Variants in ZGRF1 observed in about 807,000 individuals in gnomAD.
ZGRF1 encodes 5'-3' DNA helicase ZGRF1.
A neutral mutation model predicts 203.5 loss-of-function variants in ZGRF1; 196 were observed. The ratio of observed to expected loss-of-function variants is 0.96; its 90% CI spans 0.86 to 1.08. The LOEUF (loss-of-function observed/expected upper bound fraction) is 1.08, where lower values mean the gene tolerates loss of function less well. ZGRF1 is among the 50% of genes least tolerant of loss of function. The pLI, the probability that ZGRF1 is intolerant of heterozygous loss-of-function variation, is 0.00. For missense variants in ZGRF1, 2,326 were observed against 2,416.3 expected (o/e 0.96, Z 0.78); for synonymous variants, 809 against 841.3 (o/e 0.96, Z 0.66).
At chr4:112,562,579 A>G (rs1742208854) in intron 17 of ZGRF1, 94 bp from the exon 18 acceptor site, 2 of 742,398 alleles carry the variant, frequency 2.7e-6, no homozygotes, top group Non-Finnish European at 4.7e-6. Flanking sequence ...GAGTTCAGCT[A>G]CTGAATTAAG....
chr4:112,551,292 T>C (rs191691163), intron 22 of ZGRF1, among the ~76,000 whole-genome samples: 3 of 152,342 alleles, frequency 2.0e-5, no homozygotes, highest in East Asian at 3.9e-4. Flanking sequence ...GTAAGTACAC[T>C]ATGACGTTCA....
At chr4:112,563,956 C>T (rs959334447) in intron 16 of ZGRF1, among the ~76,000 whole-genome samples, 20 of 152,242 alleles carry the variant, frequency 1.3e-4, no homozygotes, top group Admixed American at 9.2e-4. Context: ...TTAATCATTG[C>T]CCAAAGGCCC....
chr4:112,542,860 G>A (rs1560729182), intron 24 of ZGRF1, among the ~76,000 whole-genome samples: 1 of 145,736 alleles, frequency 6.9e-6, no homozygotes, highest in East Asian at 2.0e-4. Context: ...ATCCTGCTCT[G>A]TTGCCCAGGC....
intron 9 of ZGRF1, 125 bp from the exon 10 acceptor site, chr4:112,603,822 G>C: frequency 1.6e-6 from 1 of 624,568 alleles, no homozygotes; most frequent in Non-Finnish European, 2.6e-6. Context: ...GTAAATACCA[G>C]GAACTAATGC....
At chr4:112,583,458 T>C (rs1300808464) in intron 15 of ZGRF1, among the ~76,000 whole-genome samples, 2 of 152,192 alleles carry the variant, frequency 1.3e-5, no homozygotes, top group African/African-American at 4.8e-5. Flanking sequence ...CTGCTAGTTA[T>C]CCTGATATTG....
At chr4:112,600,904 C>A (rs750765664) in intron 10 of ZGRF1, among the ~76,000 whole-genome samples, 2 of 152,078 alleles carry the variant, frequency 1.3e-5, no homozygotes, top group Non-Finnish European at 1.5e-5. Context: ...TCGGGGCCTT[C>A]GCAGCCTCCA....
At chr4:112,540,157 G>A (rs1302344355) in intron 26 of ZGRF1, 33 bp from the exon 27 acceptor site, 2 of 1,470,616 alleles carry the variant, frequency 1.4e-6, no homozygotes, top group African/African-American at 1.4e-5. Flanking sequence ...CATGTAGTAA[G>A]AGATTGTGAA....
rs1452446131 is a variant in ZGRF1, at chr4:112,619,401, C to A, written c.641G>T (p.Cys214Phe). 3 of 1,612,818 alleles carry A rather than the reference C, an allele frequency of 1.9e-6. No homozygotes were observed. In the African/African-American group the frequency reaches 4.0e-5, roughly 22 times the overall value. ...PEVLCEENYF[C>F]SPVNSGNKLS... is the part of the protein sequence containing the mutation. ...CTTATTTCCAGAATTGACAGGTGAG[C>A]AAAAATAATTTTCTTCACACAGCAC... is the stretch of plus-strand genomic sequence containing the variant. The change falls in exon 6 of 28, where the codon TGC (cysteine) becomes TTC (phenylalanine). Residue 214 changes from cysteine (C) to phenylalanine (F), a missense_variant. Coordinates refer to ENST00000505019, the MANE Select transcript of ZGRF1 (RefSeq NM_018392.5).
chr4:112,587,231 G>A, intron 12 of ZGRF1, 49 bp downstream of exon 12: 5 of 1,512,280 alleles, frequency 3.3e-6, no homozygotes, highest in Non-Finnish European at 4.4e-6. Context: ...TTGAAATTCA[G>A]ACAATAACTA....
intron 16 of ZGRF1, among the ~76,000 whole-genome samples, chr4:112,571,653 G>A (rs887816467): frequency 7.2e-5 from 11 of 151,920 alleles, no homozygotes; most frequent in South Asian, 2.1e-4. Flanking sequence ...CCAAAGTGTC[G>A]GGATTACAGG....
chr4:112,602,315 T>C (rs1750109896), intron 10 of ZGRF1, among the ~76,000 whole-genome samples: 1 of 151,806 alleles, frequency 6.6e-6, no homozygotes, highest in Non-Finnish European at 1.5e-5. Context: ...AAAATGCAAA[T>C]TAAAACTACA....
At position 112,589,811 on chromosome 4, in the gene ZGRF1, T is replaced by C; in HGVS notation, c.3040A>G (p.Arg1014Gly). The change falls in exon 11 of 28, where the codon AGA becomes GGA. Residue 1014 changes from arginine (R) to glycine (G), a missense_variant. Arg to Gly is a moderately radical substitution (Grantham distance 125). Coordinates refer to ENST00000505019, the MANE Select transcript of ZGRF1 (RefSeq NM_018392.5). ...AATTCTACCATGAAGTCTTCATCTC[T>C]TGAGTTCAAAGAAAAGGTAGAAACA... ...SPVSTFSLNS[R>G]DEDFMVEFSE... is the part of the protein sequence containing the mutation. 3 of 1,613,284 alleles carry C rather than the reference T, an allele frequency of 1.9e-6. No individual in the cohort carries two copies. The highest frequency in any genetic ancestry group is 2.5e-6 in the Non-Finnish European group (3 of 1,179,418).
At chr4:112,551,000 T>C (rs1017792264) in intron 22 of ZGRF1, among the ~76,000 whole-genome samples, 2 of 152,216 alleles carry the variant, frequency 1.3e-5, no homozygotes, top group Non-Finnish European at 2.9e-5. Flanking sequence ...AAGTTAACTA[T>C]TAAAAAGCTA....
rs576294936 is a variant in ZGRF1 at position 112,540,780 on chromosome 4, A to G, written c.5910+41T>C. Reference sequence around the variant, plus strand: ...TCAAATATGGTAATATGTAATTGTAATATTTAATATATGGCAAATACTGTA... The same window carrying G: ...TCAAATATGGTAATATGTAATTGTAGTATTTAATATATGGCAAATACTGTA... On this transcript the variant is annotated intron_variant, in intron 26 of 27. Coordinates refer to ENST00000505019, the MANE Select transcript of ZGRF1 (RefSeq NM_018392.5). The G allele has an allele frequency of 5.5e-6, 8 of 1,464,894 alleles. No individual in the cohort carries two copies. The East Asian group carries it at 1.7e-4, about 32-fold the overall frequency. 90.7% of individuals were successfully genotyped at this position (1,464,894 alleles called of 1,614,324 possible).
intron 3 of ZGRF1, among the ~76,000 whole-genome samples, chr4:112,624,802 T>C (rs2047177732): frequency 6.6e-6 from 1 of 152,156 alleles, no homozygotes; most frequent in South Asian, 2.1e-4. Context: ...TGGCAATTCC[T>C]TGAAAGATTA....
chr4:112,628,011 T>C (rs545096354), intron 3 of ZGRF1, among the ~76,000 whole-genome samples: 2 of 152,196 alleles, frequency 1.3e-5, no homozygotes, highest in African/African-American at 4.8e-5. Context: ...CTTAGCAATT[T>C]TGTTTACAAA....
In ZGRF1 at chr4:112,564,924, C is replaced by A. The variant is rs1194393010; in HGVS notation, c.4439-1650G>T. On this transcript the variant is annotated intron_variant, in intron 16 of 27. Transcript: ENST00000505019. ...CCGCCGTCGCTCTCCAACGCCAGCG[C>A]CGCCTGTCGCTGACCAAGCTCCAGC... is the stretch of plus-strand genomic sequence containing the variant. 25 of 718,582 alleles carry A rather than the reference C, an allele frequency of 3.5e-5. No homozygotes were observed. The South Asian group carries it at 3.5e-4, about 10-fold the overall frequency. 44.5% of individuals were successfully genotyped at this position (718,582 alleles called of 1,614,324 possible).
rs907348349 is a variant in ZGRF1 at position 112,571,712 on chromosome 4, T to A, written c.4439-8438A>T. 7.2e-5 allele frequency among the ~76,000 whole-genome samples: 11 copies of A among 152,266 alleles called. No individual in the cohort carries two copies. In the East Asian group the frequency reaches 2.1e-3, roughly 29 times the overall value. On this transcript the variant is annotated intron_variant, in intron 16 of 27. Transcript: ENST00000505019. ...AAATCTTGGTATTTTAAAGATGTCATCCCTTCTCAACTTTATAGGTACAAT... is the reference window on the plus strand; with the variant it reads ...AAATCTTGGTATTTTAAAGATGTCAACCCTTCTCAACTTTATAGGTACAAT...
In ZGRF1 at chr4:112,587,345, T is replaced by A. The variant is rs543269906; in HGVS notation, c.3712A>T (p.Thr1238Ser). ...LSLNLKQTSK[T>S]EEIKNVLGGS... ...CCTAATACATTTTTAATTTCCTCTG[T>A]CTTAGAAGTCTGCTTTAAATTCAGA... is the stretch of plus-strand genomic sequence containing the variant. The change falls in exon 12 of 28, where the codon ACA (threonine) becomes TCA (serine). Residue 1238 changes from threonine to serine, a missense_variant. Coordinates refer to ENST00000505019, the MANE Select transcript of ZGRF1 (RefSeq NM_018392.5). The A allele has an allele frequency of 6.2e-7, 1 of 1,613,788 alleles. No homozygotes were observed. The highest frequency in any genetic ancestry group is 8.5e-7 in the Non-Finnish European group (1 of 1,179,774).
Sources: allele counts gnomAD v4.1 joint callset (sites outside exome capture counted in the v4.1 genomes callset), GRCh38; gene constraint gnomAD v4.1.1; transcripts MANE v1.5; gene names NCBI Gene and HGNC (gene_info 2026-07-23, HGNC 2026-07-21).